CELF2: variants seen among roughly 807,000 people sequenced by gnomAD.
The protein encoded by CELF2 is CUGBP Elav-like family member 2.
A neutral mutation model predicts 62.6 loss-of-function variants in CELF2; 8 were observed. The ratio of observed to expected loss-of-function variants is 0.13; its 90% CI spans 0.07 to 0.23. CELF2 has a LOEUF of 0.23. CELF2 is among the 10% of genes least tolerant of loss of function. The pLI is 1.00. For synonymous variants in CELF2, 258 were observed against 250.0 expected (o/e 1.03, Z -0.30); for missense variants, 333 against 671.0 (o/e 0.50, Z 5.56).
At chr10:10,557,872 G>T in the CELF2 span, among the ~76,000 whole-genome samples, 1 of 132,028 alleles carries the variant, frequency 7.6e-6, no homozygotes, top group Non-Finnish European at 1.6e-5. Flanking sequence ...TGTGATTTTT[G>T]TACATTGATT....
chr10:11,041,398 C>T (rs780628747), intron 1 of CELF2, among the ~76,000 whole-genome samples: 2 of 152,120 alleles, frequency 1.3e-5, no homozygotes, highest in East Asian at 1.9e-4. Context: ...AGTACAGTAT[C>T]GAAACCCACT....
chr10:10,846,913 T>C (rs1198560152), intron 1 of CELF2, among the ~76,000 whole-genome samples: 1 of 152,182 alleles, frequency 6.6e-6, no homozygotes, highest in East Asian at 1.9e-4. Context: ...TTGCAGGTTT[T>C]GGTTTTCTGT....
intron 2 of CELF2, among the ~76,000 whole-genome samples, chr10:10,930,683 G>A (rs1312713521): frequency 1.3e-5 from 2 of 152,156 alleles, no homozygotes; most frequent in African/African-American, 4.8e-5. Flanking sequence ...CAATTTTGCA[G>A]TTAGAATTCC....
chr10:10,558,485 C>T, the CELF2 span, among the ~76,000 whole-genome samples: 6 of 151,754 alleles, frequency 4.0e-5, no homozygotes, highest in Non-Finnish European at 8.8e-5. Context: ...AGGATATTGG[C>T]CTAAAATTCT....
At position 11,329,329 on chromosome 10, in the gene CELF2, CTTTTTTTTTAAT is replaced by C. The variant is rs1003082806; in HGVS notation, c.*283_*294del. The C allele has an allele frequency of 3.4e-5, 8 of 234,790 alleles. No individual in the cohort carries two copies. The highest frequency in any genetic ancestry group is 4.9e-5 in the Non-Finnish European group (6 of 122,992). 14.5% of individuals were successfully genotyped at this position (234,790 alleles called of 1,614,324 possible). A position where few individuals can be genotyped will look rare whatever the true frequency, so the allele number is the denominator to read the frequency against. On this transcript the variant is annotated 3_prime_UTR_variant, in exon 13 of 13. Coordinates refer to ENST00000633077, the MANE Select transcript of CELF2 (RefSeq NM_001326342.2). The surrounding 1 kb of genome is among the most constrained non-coding windows in gnomAD (Gnocchi z 5.5). Reference sequence around the variant, plus strand: ...TTTTGCGATTTGAATCTCCTTTTACCTTTTTTTTTAATTTTTTTCATTTTTGCTTTTTTTTAA... The same window carrying C: ...TTTTGCGATTTGAATCTCCTTTTACCTTTTTTCATTTTTGCTTTTTTTTAA...
In CELF2 at chr10:11,260,163, C is replaced by T. The variant is rs1208700371; in HGVS notation, c.538+2291C>T. 6.6e-6 allele frequency among the ~76,000 whole-genome samples: 1 copy of T among 152,234 alleles called. No homozygotes were observed. The highest frequency in any genetic ancestry group is 1.9e-4 in the East Asian group (1 of 5,206). ...CCCCATTTGTAAATGACAGCCGTAA[C>T]TATATCTGCCCTGCTTCTCTTGCAG... On this transcript the variant is annotated intron_variant, in intron 5 of 12. Transcript: ENST00000633077. This position sits in a 1 kb window ranked among gnomAD's most constrained non-coding sequence, Gnocchi z 4.2.
rs560766508 is a variant in CELF2, at chr10:11,191,735, T to A, written c.272-25690T>A. On this transcript the variant is annotated intron_variant, in intron 2 of 12. Transcript: ENST00000633077. The surrounding 1 kb of genome is among the most constrained non-coding windows in gnomAD (Gnocchi z 4.1). ...GACTTCTTCATAAGTGAAAAATAGTTACATAATGGTTATCTCATTGGTGTT... is the reference window on the plus strand; with the variant it reads ...GACTTCTTCATAAGTGAAAAATAGTAACATAATGGTTATCTCATTGGTGTT... 6.6e-6 allele frequency among the ~76,000 whole-genome samples: 1 copy of A among 152,270 alleles called. No homozygotes were observed. The highest frequency in any genetic ancestry group is 2.1e-4 in the South Asian group (1 of 4,828).
At chr10:11,026,426 G>A (rs1384253266) in intron 1 of CELF2, among the ~76,000 whole-genome samples, 4 of 152,208 alleles carry the variant, frequency 2.6e-5, no homozygotes, top group Non-Finnish European at 5.9e-5. Flanking sequence ...TCGGGGGGAA[G>A]ACATTGGGTA....
chr10:10,697,589 A>T, the CELF2 span, among the ~76,000 whole-genome samples: 1 of 152,190 alleles, frequency 6.6e-6, no homozygotes, highest in African/African-American at 2.4e-5. Context: ...ACACTGACGG[A>T]TGTAGCATCT....
chr10:10,928,470 C>G lies in CELF2; in HGVS notation c.89+8471C>G, dbSNP rs1404981537. Among the ~76,000 whole-genome samples, 1 of 152,142 alleles carries G rather than the reference C, an allele frequency of 6.6e-6. No individual in the cohort carries two copies. The highest frequency in any genetic ancestry group is 1.5e-5 in the Non-Finnish European group (1 of 68,032). On this transcript the variant is annotated intron_variant, in intron 2 of 13. Coordinates refer to the CELF2 transcript ENST00000636488. This position sits in a 1 kb window ranked among gnomAD's most constrained non-coding sequence, Gnocchi z 4.8. ...GCAAACTACAGCCCACAGACGAAAT[C>G]TAGATAGTGGCCTGTGCTTATAAAT... is the stretch of plus-strand genomic sequence containing the variant.
At chr10:11,051,209 G>T (rs575226836) in intron 1 of CELF2, among the ~76,000 whole-genome samples, 5 of 152,262 alleles carry the variant, frequency 3.3e-5, no homozygotes, top group South Asian at 2.1e-4. Flanking sequence ...TCTTGAAAAG[G>T]TTAGCTTTTT....
At chr10:11,132,146 G>A (rs751941568) in intron 1 of CELF2, among the ~76,000 whole-genome samples, 21 of 152,190 alleles carry the variant, frequency 1.4e-4, no homozygotes, top group African/African-American at 4.3e-4. Context: ...TCCCTTATGC[G>A]TTGTTTGTAA....
chr10:11,165,266 C>A lies in CELF2; in HGVS notation c.75-220C>A, dbSNP rs939817505. 2 of 1,381,012 alleles carry A rather than the reference C, an allele frequency of 1.4e-6. No individual in the cohort carries two copies. Among genetic ancestry groups the A allele is most frequent in the South Asian group, 3.2e-5 (2 of 63,372 alleles). 85.5% of individuals were successfully genotyped at this position (1,381,012 alleles called of 1,614,324 possible). A position where few individuals can be genotyped will look rare whatever the true frequency, so the allele number is the denominator to read the frequency against. ...GCTGCCCCGTGCTCCCCCGGCTCTG[C>A]TCGACAGCAGCACGCAGTGAGAGCC... On this transcript the variant is annotated intron_variant, in intron 1 of 12. Coordinates refer to ENST00000633077, the MANE Select transcript of CELF2 (RefSeq NM_001326342.2). The surrounding 1 kb of genome is among the most constrained non-coding windows in gnomAD (Gnocchi z 7.4).
chr10:11,131,402 G>T (rs1437287209), intron 1 of CELF2, among the ~76,000 whole-genome samples: 1 of 152,142 alleles, frequency 6.6e-6, no homozygotes, highest in Non-Finnish European at 1.5e-5. Flanking sequence ...GTAAGATCTG[G>T]GATTCATCAT....
chr10:10,815,448 G>C (rs1023291543), intron 1 of CELF2, among the ~76,000 whole-genome samples: 3 of 152,314 alleles, frequency 2.0e-5, no homozygotes, highest in Non-Finnish European at 2.9e-5. Flanking sequence ...TAGTAACTAG[G>C]TTAGAGAATA....
chr10:11,158,467 C>T (rs1320496613), intron 1 of CELF2, among the ~76,000 whole-genome samples: 1 of 152,096 alleles, frequency 6.6e-6, no homozygotes, highest in East Asian at 1.9e-4. Context: ...ACGCCTCCTG[C>T]TTGGCCCTGA....
the CELF2 span, among the ~76,000 whole-genome samples, chr10:10,664,021 A>T: frequency 6.6e-6 from 1 of 152,142 alleles, no homozygotes; most frequent in South Asian, 2.1e-4. Flanking sequence ...TTAGTTTAAG[A>T]ATATAAACCA....
chr10:10,843,058 G>C (rs964772372), intron 1 of CELF2, among the ~76,000 whole-genome samples: 1 of 151,954 alleles, frequency 6.6e-6, no homozygotes, highest in Admixed American at 6.6e-5. Flanking sequence ...TTTCATCTAA[G>C]TAATCCAATT....
At chr10:10,924,200 T>G (rs927028269) in intron 2 of CELF2, 1 of 137,084 alleles carries the variant, frequency 7.3e-6, no homozygotes, top group African/African-American at 2.8e-5. Context: ...GAGAATGGCG[T>G]GAACCCGGGA....
Sources: gnomAD v4.1 joint callset for allele counts (sites outside exome capture counted in the v4.1 genomes callset) on GRCh38, gnomAD v4.1.1 for gene constraint, Gnocchi (gnomAD v3.1) non-coding constraint, MANE v1.5 for transcripts, NCBI Gene and HGNC (gene_info 2026-07-23, HGNC 2026-07-21) for gene names.